The following RPP14 variants were observed in gnomAD, a reference collection of about 807,000 sequenced individuals.
The protein encoded by RPP14 is ribonuclease P protein subunit p14.
Under a neutral mutation model 17.8 loss-of-function variants are expected in RPP14, and 19 were observed. The observed-to-expected ratio is 1.07, with a 90% CI of 0.74 to 1.57. The LOEUF (loss-of-function observed/expected upper bound fraction) is 1.57. Ranked by LOEUF, RPP14 falls within the 40% of genes most tolerant of loss-of-function variation. The pLI is 0.00. For synonymous variants in RPP14, 60 were observed against 56.4 expected, an observed-to-expected ratio of 1.06 and a Z score of -0.29; for missense variants, 125 against 140.8, an observed-to-expected ratio of 0.89 and a Z score of 0.57.
intron 3 of RPP14, among the ~76,000 whole-genome samples, chr3:58,315,061 G>A (rs1223364980): frequency 7.2e-5 from 11 of 152,056 alleles, no homozygotes; most frequent in Admixed American, 6.6e-4. Flanking sequence ...TGTTCCAGAG[G>A]ACTGAAAACT....
rs186840230 is a variant in RPP14 at position 58,309,109 on chromosome 3, G to T, written c.-21-1200G>T. On this transcript the variant is annotated intron_variant, in intron 1 of 5. Coordinates refer to ENST00000295959, the MANE Select transcript of RPP14 (RefSeq NM_007042.6). The stretch of plus-strand genomic sequence containing the variant: ...GACCTGGCTTTTGGACTGAGAGCAG[G>T]CAGACACAGGATGGGAGGAGACGGC... 2.9e-3 allele frequency among the ~76,000 whole-genome samples: 443 copies of T among 152,348 alleles called. 3 individuals carry two copies. Among genetic ancestry groups the T allele is most frequent in the African/African-American group, 9.9e-3 (410 of 41,584 alleles).
intron 3 of RPP14, among the ~76,000 whole-genome samples, chr3:58,314,695 T>C (rs112128900): frequency 7.0e-6 from 1 of 143,444 alleles, no homozygotes; most frequent in Non-Finnish European, 1.5e-5. Context: ...TTTTTTTTTT[T>C]TTTTTGTTGA....
chr3:58,311,741 A>T (rs2097482472), intron 3 of RPP14, among the ~76,000 whole-genome samples: 1 of 151,854 alleles, frequency 6.6e-6, no homozygotes, highest in African/African-American at 2.4e-5. Context: ...TGGCTTCCCA[A>T]AGTGCTGGGA....
At chr3:58,314,913 TTGACCTTG>T (rs1207837802) in intron 3 of RPP14, among the ~76,000 whole-genome samples, 1 of 151,950 alleles carries the variant, frequency 6.6e-6, no homozygotes, top group Non-Finnish European at 1.5e-5. Flanking sequence ...TCTCAATCTC[TTGACCTTG>T]TGATCCGCCT....
rs1389955081 is a variant in RPP14, at chr3:58,318,555, C to T, written c.*1059C>T. ...TGCTTGGTGACTTGGCCCTGTAGTC[C>T]CAGTTGCTTGGGAGGCTGAGGTGGG... On this transcript the variant is annotated 3_prime_UTR_variant, in exon 6 of 6. Transcript: ENST00000295959. 6.6e-6 allele frequency: 1 copy of T among 151,946 alleles called. No homozygotes were observed. The highest frequency in any genetic ancestry group is 2.5e-5 in the African/African-American group (1 of 40,764). The allele number at this position is 151,946 out of a possible 1,614,324, so 9.4% of individuals were successfully genotyped here.
chr3:58,313,460 G>C (rs1283632400), intron 3 of RPP14, among the ~76,000 whole-genome samples: 1 of 152,300 alleles, frequency 6.6e-6, no homozygotes, highest in South Asian at 2.1e-4. Context: ...GATTCATATA[G>C]TCTGTCAAAT....
intron 3 of RPP14, among the ~76,000 whole-genome samples, chr3:58,316,150 G>T (rs182744832): frequency 6.6e-6 from 1 of 152,244 alleles, no homozygotes; most frequent in African/African-American, 2.4e-5. Context: ...TAATGTCTTG[G>T]TTCTTGTAGT....
At position 58,307,273 on chromosome 3, in the gene RPP14, G is replaced by C. The variant is rs1397106105; in HGVS notation, c.-22+856G>C. 2.6e-5 allele frequency among the ~76,000 whole-genome samples: 4 copies of C among 152,216 alleles called. No individual in the cohort carries two copies. The East Asian group carries it at 7.7e-4, about 29-fold the overall frequency. On this transcript the variant is annotated intron_variant, in intron 1 of 5. Transcript: ENST00000295959. ...TTTGGCCTTACTCTGGATAAAACGG[G>C]AACCATAGCAAGATTTTGAGCAGAG... is the stretch of plus-strand genomic sequence containing the variant.
chr3:58,307,461 T>C (rs1056641836), intron 1 of RPP14, among the ~76,000 whole-genome samples: 3 of 152,188 alleles, frequency 2.0e-5, no homozygotes, highest in Admixed American at 2.0e-4. Context: ...CGGTGGCTCA[T>C]GCCTGTAATC....
At chr3:58,311,335 A>G (rs1384102060) in intron 3 of RPP14, among the ~76,000 whole-genome samples, 1 of 152,104 alleles carries the variant, frequency 6.6e-6, no homozygotes, top group Non-Finnish European at 1.5e-5. Flanking sequence ...TTGTATTTTT[A>G]CTAGAGACAG....
At chr3:58,309,057 T>C (rs2097479021) in intron 1 of RPP14, among the ~76,000 whole-genome samples, 1 of 152,188 alleles carries the variant, frequency 6.6e-6, no homozygotes, top group Non-Finnish European at 1.5e-5. Context: ...CTGTTTAAGC[T>C]CAGTTGTTCA....
intron 1 of RPP14, 94 bp downstream of exon 1, chr3:58,306,511 G>C (rs1261621754): frequency 1.3e-5 from 2 of 152,266 alleles, no homozygotes; most frequent in Non-Finnish European, 2.9e-5. Context: ...GGTGCGCCTT[G>C]GGTAGCTTGT....
intron 1 of RPP14, among the ~76,000 whole-genome samples, chr3:58,308,474 TTA>T (rs1395078386): frequency 4.6e-5 from 7 of 152,054 alleles, no homozygotes; most frequent in Admixed American, 4.6e-4. Flanking sequence ...GTTTTTTTTT[TTA>T]GTGACAGGGT....
rs987298165 is a variant in RPP14, at chr3:58,316,741, C to T, written c.239+150C>T. 8 of 877,302 alleles carry T rather than the reference C, an allele frequency of 9.1e-6. No individual in the cohort carries two copies. In the South Asian group the frequency reaches 1.1e-4, roughly 12 times the overall value. The allele number at this position is 877,302 out of a possible 1,614,324, so 54.3% of individuals were successfully genotyped here. ...AACTGGGATGAATATGAACATTCAT[C>T]CACCAGAAACTTGTACTCTAGAGAG... is the stretch of plus-strand genomic sequence containing the variant. On this transcript the variant is annotated intron_variant, in intron 4 of 5. Coordinates refer to ENST00000295959, the MANE Select transcript of RPP14 (RefSeq NM_007042.6).
chr3:58,313,851 T>C (rs1395849479), intron 3 of RPP14, among the ~76,000 whole-genome samples: 1 of 152,110 alleles, frequency 6.6e-6, no homozygotes, highest in Non-Finnish European at 1.5e-5. Flanking sequence ...AAAATATTTG[T>C]AAACCACGTA....
chr3:58,317,433 C>A lies in RPP14; in HGVS notation c.319-7C>A. 1 of 1,586,522 alleles carries A rather than the reference C, an allele frequency of 6.3e-7. No individual in the cohort carries two copies. The highest frequency in any genetic ancestry group is 8.6e-7 in the Non-Finnish European group (1 of 1,157,016). On this transcript the variant is annotated splice_polypyrimidine_tract_variant and splice_region_variant and intron_variant, in intron 5 of 5. Coordinates refer to ENST00000295959, the MANE Select transcript of RPP14 (RefSeq NM_007042.6). ...CCAATGCCTTAACCTTTTTCTTTCT[C>A]TTCTAGGTTTCTCCATTTCTTCTTG...
At chr3:58,310,945 A>G (rs1319671252) in intron 3 of RPP14, among the ~76,000 whole-genome samples, 4 of 143,642 alleles carry the variant, frequency 2.8e-5, no homozygotes, top group Non-Finnish European at 4.5e-5. Flanking sequence ...AAAAATCGAG[A>G]AAGAATGCTT....
At chr3:58,306,545 G>A (rs541348993) in intron 1 of RPP14, 128 bp downstream of exon 1, 26 of 152,376 alleles carry the variant, frequency 1.7e-4, no homozygotes, top group African/African-American at 6.0e-4. Flanking sequence ...GGGCGCTGAG[G>A]GCCTCTGTAC....
chr3:58,314,341 ACT>A (rs1224499760), intron 3 of RPP14, among the ~76,000 whole-genome samples: 5 of 152,214 alleles, frequency 3.3e-5, no homozygotes, highest in African/African-American at 9.6e-5. Context: ...ACAGAGAGAG[ACT>A]CTGTCTCAAA....
Sources: allele counts gnomAD v4.1 joint callset (sites outside exome capture counted in the v4.1 genomes callset), GRCh38; gene constraint gnomAD v4.1.1; transcripts MANE v1.5; gene names NCBI Gene and HGNC (gene_info 2026-07-23, HGNC 2026-07-21).